TTLL5: variants seen among roughly 807,000 people sequenced by gnomAD.
TTLL5 encodes tubulin tyrosine ligase like 5.
TTLL5 carries 132 observed loss-of-function variants against 168.4 expected under a neutral mutation model. The observed-to-expected ratio is 0.78, with a 90% CI of 0.68 to 0.91. TTLL5 has a LOEUF of 0.91. Among genes scored for constraint, TTLL5 ranks in the 40% least tolerant of loss-of-function variants. TTLL5 has a pLI of 0.00. For synonymous variants in TTLL5, 546 were observed against 558.6 expected (o/e 0.98, Z 0.32); for missense variants, 1,545 against 1,581.5 (o/e 0.98, Z 0.39).
intron 31 of TTLL5, among the ~76,000 whole-genome samples, chr14:75,914,383 A>G (rs931057473): frequency 1.3e-5 from 2 of 152,092 alleles, no homozygotes; most frequent in African/African-American, 4.8e-5. Flanking sequence ...ACATACATAC[A>G]TAAAACTTTT....
At chr14:75,702,413 A>G (rs1472111076) in intron 7 of TTLL5, among the ~76,000 whole-genome samples, 1 of 152,220 alleles carries the variant, frequency 6.6e-6, no homozygotes, top group Non-Finnish European at 1.5e-5. Flanking sequence ...TTTAGCTGCC[A>G]AATGGAATTG....
chr14:75,687,220 C>T (rs1885127987), intron 5 of TTLL5, among the ~76,000 whole-genome samples: 2 of 152,080 alleles, frequency 1.3e-5, no homozygotes, highest in Admixed American at 1.3e-4. Context: ...CAAAGGATTC[C>T]TAGATGCAAC....
At chr14:75,753,094 A>G in intron 18 of TTLL5, 139 bp downstream of exon 18, 2 of 692,120 alleles carry the variant, frequency 2.9e-6, no homozygotes, top group South Asian at 4.7e-5. Context: ...AAAGCATGCT[A>G]TCATGACTCA....
chr14:75,874,748 A>T (rs901161840), intron 29 of TTLL5, among the ~76,000 whole-genome samples: 9 of 152,190 alleles, frequency 5.9e-5, no homozygotes, highest in Non-Finnish European at 1.0e-4. Flanking sequence ...TATAGATAAC[A>T]TGATGTTTAT....
chr14:75,798,167 C>A (rs1249339295), intron 27 of TTLL5, among the ~76,000 whole-genome samples: 1 of 151,990 alleles, frequency 6.6e-6, no homozygotes, highest in East Asian at 1.9e-4. Context: ...CTGGTTTAAT[C>A]TAGAAGGGTT....
At chr14:75,828,908 A>T (rs1299578739) in intron 28 of TTLL5, among the ~76,000 whole-genome samples, 1 of 152,226 alleles carries the variant, frequency 6.6e-6, no homozygotes, top group Non-Finnish European at 1.5e-5. Context: ...TGTTACAGTA[A>T]TGTTATCCTC....
At chr14:75,792,136 T>C (rs1892761330) in intron 26 of TTLL5, among the ~76,000 whole-genome samples, 1 of 147,990 alleles carries the variant, frequency 6.8e-6, no homozygotes, top group Non-Finnish European at 1.5e-5. Flanking sequence ...AATAATAGAA[T>C]GCTCTGATAT....
At chr14:75,677,167 T>A (rs924430370) in intron 3 of TTLL5, among the ~76,000 whole-genome samples, 3 of 152,138 alleles carry the variant, frequency 2.0e-5, no homozygotes, top group African/African-American at 7.2e-5. Context: ...AAAAATAATT[T>A]ATACTGTGTA....
At chr14:75,879,154 C>CA (rs1377621138) in intron 29 of TTLL5, among the ~76,000 whole-genome samples, 1 of 152,134 alleles carries the variant, frequency 6.6e-6, no homozygotes, top group Non-Finnish European at 1.5e-5. Flanking sequence ...AAAAAGTACA[C>CA]ACGTAAGTGG....
chr14:75,732,302 A>T (rs770531326), intron 12 of TTLL5, 36 bp from the exon 13 acceptor site: 11 of 1,588,592 alleles, frequency 6.9e-6, no homozygotes, highest in Non-Finnish European at 9.5e-6. Flanking sequence ...TGACATGGAA[A>T]ATGATCTTGT....
chr14:75,884,714 T>C (rs1342371446), intron 30 of TTLL5, among the ~76,000 whole-genome samples: 1 of 152,214 alleles, frequency 6.6e-6, no homozygotes, highest in African/African-American at 2.4e-5. Flanking sequence ...TTAATACTAA[T>C]AAAGACTTGA....
chr14:75,903,734 A>T (rs760331614), intron 31 of TTLL5, among the ~76,000 whole-genome samples: 12 of 151,930 alleles, frequency 7.9e-5, no homozygotes, highest in Non-Finnish European at 1.5e-4. Flanking sequence ...TACAAAAAAA[A>T]AAAGTTTTTA....
At chr14:75,920,819 G>A (rs1381431009) in intron 31 of TTLL5, among the ~76,000 whole-genome samples, 1 of 152,146 alleles carries the variant, frequency 6.6e-6, no homozygotes, top group Non-Finnish European at 1.5e-5. Flanking sequence ...TTGAATGGTT[G>A]AACTAATTTA....
At chr14:75,923,863 G>T (rs538259056) in intron 31 of TTLL5, among the ~76,000 whole-genome samples, 43 of 152,274 alleles carry the variant, frequency 2.8e-4, no homozygotes, top group African/African-American at 9.9e-4. Flanking sequence ...AGGTCTCTAA[G>T]AACTTGCTTT....
At chr14:75,871,229 C>T (rs1296287183) in intron 29 of TTLL5, among the ~76,000 whole-genome samples, 1 of 152,164 alleles carries the variant, frequency 6.6e-6, no homozygotes, top group Non-Finnish European at 1.5e-5. Context: ...TTCTAAGCTG[C>T]TCCTAGGGGA....
chr14:75,807,900 A>G (rs916810585), intron 27 of TTLL5, among the ~76,000 whole-genome samples: 3 of 152,338 alleles, frequency 2.0e-5, no homozygotes, highest in African/African-American at 7.2e-5. Flanking sequence ...ATGCTTCTCT[A>G]GTTCTTGAAG....
intron 22 of TTLL5, 85 bp from the exon 23 acceptor site, chr14:75,776,662 C>T: frequency 1.1e-6 from 1 of 919,758 alleles, no homozygotes; most frequent in East Asian, 2.5e-5. Context: ...TAACTCAAGG[C>T]TATTGAAACT....
intron 31 of TTLL5, among the ~76,000 whole-genome samples, chr14:75,914,623 T>TTTTG (rs2033536632): frequency 4.4e-4 from 2 of 4,588 alleles, no homozygotes; most frequent in South Asian, 0.011. Context: ...ACTCTTGTTT[T>TTTTG]TTTTTTTTTT....
At chr14:75,671,902 C>G (rs937540163) in intron 3 of TTLL5, among the ~76,000 whole-genome samples, 3 of 152,166 alleles carry the variant, frequency 2.0e-5, no homozygotes, top group African/African-American at 7.2e-5. Context: ...GCTAGAATTT[C>G]TAGTACAATG....
Sources: gnomAD v4.1 joint callset for allele counts (sites outside exome capture counted in the v4.1 genomes callset) on GRCh38, gnomAD v4.1.1 for gene constraint, MANE v1.5 for transcripts, NCBI Gene and HGNC (gene_info 2026-07-23, HGNC 2026-07-21) for gene names.